Variants in C4orf50 observed in about 807,000 individuals in gnomAD.
C4orf50 encodes chromosome 4 open reading frame 50, also known as uncharacterized protein C4orf50.
A neutral mutation model predicts 77.2 loss-of-function variants in C4orf50; 80 were observed. That is an observed-to-expected ratio of 1.04 (90% CI 0.87 to 1.25). C4orf50 has a LOEUF of 1.25. Ranked by LOEUF, C4orf50 falls within the 50% of genes most tolerant of loss-of-function variation. The pLI, the probability that C4orf50 is intolerant of heterozygous loss-of-function variation, is 0.00. For missense variants in C4orf50, 1,257 were observed against 1,152.9 expected (o/e 1.09, Z -1.31); for synonymous variants, 532 against 465.3 (o/e 1.14, Z -1.84).
intron 7 of C4orf50, among the ~76,000 whole-genome samples, chr4:5,933,686 G>A (rs114356306): frequency 0.024 from 3,725 of 152,318 alleles, 59 homozygotes; most frequent in Non-Finnish European, 0.036. Flanking sequence ...CTACGGTCGT[G>A]CCTCCCTGCG....
At chr4:5,946,030 A>C (rs1400628505) in intron 7 of C4orf50, among the ~76,000 whole-genome samples, 3 of 152,194 alleles carry the variant, frequency 2.0e-5, no homozygotes, top group Non-Finnish European at 4.4e-5. Context: ...CCCCATCAGG[A>C]GTAGGTCTGG....
At chr4:5,995,503 AC>A (rs1410151448) in intron 25 of C4orf50, among the ~76,000 whole-genome samples, 4 of 151,486 alleles carry the variant, frequency 2.6e-5, no homozygotes, top group Non-Finnish European at 5.9e-5. Flanking sequence ...ACACACACAC[AC>A]ACACACACAC....
At chr4:5,935,784 TAAAAAAAAAAAA>T (rs769910855) in intron 7 of C4orf50, among the ~76,000 whole-genome samples, 2 of 31,478 alleles carry the variant, frequency 6.4e-5, no homozygotes, top group Non-Finnish European at 7.9e-5. Flanking sequence ...AGACTCCGTC[TAAAAAAAAAAAA>T]AAAAAAAAAA....
At chr4:5,927,185 A>T (rs972433424) in intron 7 of C4orf50, among the ~76,000 whole-genome samples, 4 of 152,132 alleles carry the variant, frequency 2.6e-5, no homozygotes, top group Non-Finnish European at 5.9e-5. Flanking sequence ...GCCAAAGGAC[A>T]GGCCATGGAA....
intron 28 of C4orf50, among the ~76,000 whole-genome samples, chr4:5,986,510 A>G (rs10014397): frequency 0.5 from 76,101 of 150,998 alleles, 19,797 homozygotes; most frequent in East Asian, 0.92. Flanking sequence ...TTCTAAATCA[A>G]TACAACAGGG....
chr4:5,902,393 A>C (rs942433327), intron 7 of C4orf50: 3 of 152,200 alleles, frequency 2.0e-5, no homozygotes, highest in Admixed American at 1.3e-4. Context: ...CTCAGTGGCT[A>C]ATGCGTCAAG....
chr4:5,943,349 T>TCA (rs1299695851), intron 7 of C4orf50, among the ~76,000 whole-genome samples: 1 of 152,246 alleles, frequency 6.6e-6, no homozygotes, highest in East Asian at 1.9e-4. Flanking sequence ...TCCCAGGGGT[T>TCA]CACATTTGGA....
intron 25 of C4orf50, among the ~76,000 whole-genome samples, chr4:6,004,036 A>G (rs1345130327): frequency 4.1e-5 from 2 of 48,874 alleles, no homozygotes; most frequent in African/African-American, 8.0e-5. Context: ...TGTGATAGTG[A>G]TGATGGTGAT....
rs1382724159 is a variant in C4orf50 at position 5,974,816 on chromosome 4, T to C, written c.3922-975A>G. ...GGAATTGATCTTAAACATAAATGTC[T>C]AGATACGTGGAGAAAACCTTTCTGA... On this transcript the variant is annotated intron_variant, in intron 30 of 33. Coordinates refer to ENST00000531445, the Ensembl canonical transcript of C4orf50. Among the ~76,000 whole-genome samples the C allele has an allele frequency of 2.0e-5, 3 of 151,580 alleles. No individual in the cohort carries two copies. The South Asian group carries it at 6.2e-4, about 31-fold the overall frequency.
At position 5,974,878 on chromosome 4, in the gene C4orf50, C is replaced by T. The variant is rs1167204828; in HGVS notation, c.3921+1021G>A. ...CATTGGCCGGGTACGGTGGCTCATG[C>T]CTGTAATCCCAGCACTTTGGGAGGC... On this transcript the variant is annotated intron_variant, in intron 30 of 33. Coordinates refer to ENST00000531445, the Ensembl canonical transcript of C4orf50. Among the ~76,000 whole-genome samples, 7 of 152,190 alleles carry T rather than the reference C, an allele frequency of 4.6e-5. No homozygotes were observed. In the East Asian group the frequency reaches 1.4e-3, roughly 29 times the overall value.
At chr4:5,973,633 A>G (rs1435851242) in intron 31 of C4orf50, 26 bp downstream of exon 9, 2 of 1,587,376 alleles carry the variant, frequency 1.3e-6, no homozygotes, top group Non-Finnish European at 1.7e-6. Context: ...TAGGAAGCAC[A>G]GACAGGGCCA....
chr4:5,969,960 G>T (rs1334449858), intron 31 of C4orf50, among the ~76,000 whole-genome samples: 3 of 152,084 alleles, frequency 2.0e-5, no homozygotes, highest in African/African-American at 7.2e-5. Context: ...AGAGCCAGCT[G>T]CCATCTTAGC....
In C4orf50 at chr4:5,932,940, T is replaced by C. The variant is rs564348958; in HGVS notation, c.*2474+23961A>G. Reference sequence around the variant, plus strand: ...TGGCATACAGCAGCCACTCAATAAATGGCGGAAACCATATTATCATTAATA... The same window carrying C: ...TGGCATACAGCAGCCACTCAATAAACGGCGGAAACCATATTATCATTAATA... On this transcript the variant is annotated intron_variant, in intron 7 of 7. Coordinates refer to the C4orf50 transcript ENST00000324058. The surrounding 1 kb of genome is among the most constrained non-coding windows in gnomAD (Gnocchi z 4.2). 6.6e-6 allele frequency among the ~76,000 whole-genome samples: 1 copy of C among 152,330 alleles called. No homozygotes were observed. Among genetic ancestry groups the C allele is most frequent in the South Asian group, 2.1e-4 (1 of 4,826 alleles).
chr4:5,942,332 A>G (rs957203631), intron 7 of C4orf50, among the ~76,000 whole-genome samples: 1 of 152,202 alleles, frequency 6.6e-6, no homozygotes, highest in African/African-American at 2.4e-5. Context: ...ACAGGACCCA[A>G]AGGGGTTTGA....
chr4:5,939,191 C>T (rs1230701136), intron 7 of C4orf50, among the ~76,000 whole-genome samples: 4 of 151,912 alleles, frequency 2.6e-5, no homozygotes, highest in Non-Finnish European at 4.4e-5. Flanking sequence ...TGCAGTGAGC[C>T]GAGATCGCGC....
Position 5,940,201 on chromosome 4 carries a change from C to T in C4orf50, c.*2474+16700G>A, listed in dbSNP as rs114608653. On this transcript the variant is annotated intron_variant, in intron 7 of 7. Coordinates refer to the C4orf50 transcript ENST00000324058. Reference sequence around the variant, plus strand: ...TCTGGCCAGAGGTTATGCTCCCTAGCCTGCCAGAATGGCCACCCTGCAGGC... The same window carrying T: ...TCTGGCCAGAGGTTATGCTCCCTAGTCTGCCAGAATGGCCACCCTGCAGGC... Among the ~76,000 whole-genome samples, 1,384 of 152,348 alleles carry T rather than the reference C, an allele frequency of 9.1e-3. 23 individuals are homozygous for T. Among genetic ancestry groups the T allele is most frequent in the African/African-American group, 0.031 (1,300 of 41,584 alleles).
At chr4:5,978,848 A>C (rs561468894) in intron 29 of C4orf50, among the ~76,000 whole-genome samples, 71 of 152,376 alleles carry the variant, frequency 4.7e-4, no homozygotes, top group South Asian at 3.9e-3. Flanking sequence ...AGATTACTAC[A>C]CAAACAATCA....
intron 29 of C4orf50, among the ~76,000 whole-genome samples, chr4:5,979,192 T>C (rs1000460125): frequency 1.3e-5 from 2 of 152,204 alleles, no homozygotes; most frequent in Non-Finnish European, 2.9e-5. Context: ...TGCTAGAAAT[T>C]TGCCATTTAG....
At chr4:6,003,433 G>C (rs1167537130) in intron 25 of C4orf50, among the ~76,000 whole-genome samples, 1 of 151,912 alleles carries the variant, frequency 6.6e-6, no homozygotes, top group Non-Finnish European at 1.5e-5. Flanking sequence ...TGGCAATGGT[G>C]ATGGTGATAG....
Sources: gnomAD v4.1 joint callset for allele counts (sites outside exome capture counted in the v4.1 genomes callset) on GRCh38, gnomAD v4.1.1 for gene constraint, Gnocchi (gnomAD v3.1) non-coding constraint, MANE v1.5 for transcripts, NCBI Gene and HGNC (gene_info 2026-07-23, HGNC 2026-07-21) for gene names.